Variants in FHIT observed in about 807,000 individuals in gnomAD.
FHIT encodes fragile histidine triad diadenosine triphosphatase.
FHIT carries 19 observed loss-of-function variants against 17.9 expected under a neutral mutation model. That is an observed-to-expected ratio of 1.06 (90% confidence interval 0.74 to 1.56). The LOEUF (loss-of-function observed/expected upper bound fraction) is 1.56. FHIT is among the 40% of genes most tolerant of loss of function. The pLI, the probability that FHIT is intolerant of heterozygous loss-of-function variation, is 0.00. For synonymous variants in FHIT, 81 were observed against 69.7 expected (o/e 1.16, Z -0.81); for missense variants, 248 against 189.2 (o/e 1.31, Z -1.82).
At chr3:60,320,930 A>C (rs910199234) in intron 5 of FHIT, among the ~76,000 whole-genome samples, 1 of 152,206 alleles carries the variant, frequency 6.6e-6, no homozygotes, top group African/African-American at 2.4e-5. Flanking sequence ...CTAATTTATT[A>C]AATAAAACAT....
At chr3:60,844,163 T>A (rs1303578898) in intron 3 of FHIT, among the ~76,000 whole-genome samples, 8 of 152,152 alleles carry the variant, frequency 5.3e-5, no homozygotes, top group African/African-American at 1.9e-4. Context: ...TTTAGTAGAA[T>A]CTTATTCACC....
rs1184542201 is a variant in FHIT at position 60,307,250 on chromosome 3, C to A, written c.103+229610G>T. On this transcript the variant is annotated intron_variant, in intron 5 of 9. Transcript: ENST00000492590. Reference sequence around the variant, plus strand: ...ACTTTCTTAACATCTACAGAGAAGTCTTAACAGAAAAGTCAGTAAATTCGC... The same window carrying A: ...ACTTTCTTAACATCTACAGAGAAGTATTAACAGAAAAGTCAGTAAATTCGC... Among the ~76,000 whole-genome samples, 11 of 152,284 alleles carry A rather than the reference C, an allele frequency of 7.2e-5. No individual in the cohort carries two copies. In the East Asian group the frequency reaches 2.1e-3, roughly 29 times the overall value.
chr3:59,781,178 A>G (rs1010567712), intron 8 of FHIT, among the ~76,000 whole-genome samples: 3 of 152,128 alleles, frequency 2.0e-5, no homozygotes, highest in African/African-American at 7.2e-5. Context: ...ACCTAGAATG[A>G]CCTGTAACAT....
chr3:61,164,652 TTTTA>T (rs1459772570), intron 2 of FHIT, among the ~76,000 whole-genome samples: 4 of 152,232 alleles, frequency 2.6e-5, no homozygotes, highest in Admixed American at 2.6e-4. Context: ...TTGTTTCAAC[TTTTA>T]TTTTAGATTC....
chr3:60,407,618 G>A (rs745799935), intron 5 of FHIT, among the ~76,000 whole-genome samples: 22 of 152,214 alleles, frequency 1.4e-4, no homozygotes, highest in Non-Finnish European at 2.4e-4. Context: ...CAGTTCAAGC[G>A]ATCCTCCTAT....
At chr3:60,414,178 A>G (rs1439869185) in intron 5 of FHIT, among the ~76,000 whole-genome samples, 1 of 152,190 alleles carries the variant, frequency 6.6e-6, no homozygotes, top group East Asian at 1.9e-4. Context: ...TATTGGAATC[A>G]CATGGAGGGC....
At chr3:60,663,726 C>T (rs1161285871) in intron 4 of FHIT, among the ~76,000 whole-genome samples, 2 of 152,116 alleles carry the variant, frequency 1.3e-5, no homozygotes, top group Non-Finnish European at 2.9e-5. Context: ...GCCTCTGTAC[C>T]TGTTTTATTA....
chr3:60,041,689 C>T (rs1171573696), intron 5 of FHIT, among the ~76,000 whole-genome samples: 4 of 152,150 alleles, frequency 2.6e-5, no homozygotes, highest in Admixed American at 6.5e-5. Context: ...GAAGATGCTA[C>T]CTGAGACCAC....
chr3:60,623,667 C>G (rs1462423819), intron 4 of FHIT, among the ~76,000 whole-genome samples: 1 of 152,178 alleles, frequency 6.6e-6, no homozygotes, highest in African/African-American at 2.4e-5. Context: ...GAAGGAACAG[C>G]ACTAGCATGT....
At chr3:60,338,191 TC>T (rs1373970819) in intron 5 of FHIT, among the ~76,000 whole-genome samples, 4 of 152,070 alleles carry the variant, frequency 2.6e-5, no homozygotes, top group Admixed American at 2.6e-4. Context: ...TTGCTCAAAT[TC>T]CACCACATTC....
At chr3:59,868,335 C>A (rs962051473) in intron 8 of FHIT, among the ~76,000 whole-genome samples, 4 of 105,366 alleles carry the variant, frequency 3.8e-5, no homozygotes, top group Non-Finnish European at 7.7e-5. Context: ...CATTTCCACG[C>A]GGAAAAAAAA....
intron 3 of FHIT, among the ~76,000 whole-genome samples, chr3:60,903,455 A>G (rs1268371452): frequency 6.6e-6 from 1 of 152,238 alleles, no homozygotes; most frequent in Non-Finnish European, 1.5e-5. Context: ...AGGCCAAATA[A>G]AGACCTAAAT....
intron 6 of FHIT, 54 bp downstream of exon 6, chr3:60,013,953 A>T: frequency 6.4e-7 from 1 of 1,572,964 alleles, no homozygotes; most frequent in African/African-American, 1.3e-5. Flanking sequence ...AGCAAGCCCA[A>T]TGCCGGGATA....
At chr3:60,273,460 A>T (rs1706967032) in intron 5 of FHIT, among the ~76,000 whole-genome samples, 2 of 151,162 alleles carry the variant, frequency 1.3e-5, no homozygotes, top group Admixed American at 6.6e-5. Flanking sequence ...TACAAAAAAA[A>T]TTAGCCAGGG....
At chr3:60,584,958 A>G (rs1553661130) in intron 4 of FHIT, among the ~76,000 whole-genome samples, 1 of 151,966 alleles carries the variant, frequency 6.6e-6, no homozygotes, top group Non-Finnish European at 1.5e-5. Flanking sequence ...ATCTAAACAA[A>G]TCATTTTGAA....
intron 5 of FHIT, among the ~76,000 whole-genome samples, chr3:60,265,363 A>C (rs1476143011): frequency 6.6e-6 from 1 of 152,054 alleles, no homozygotes; most frequent in African/African-American, 2.4e-5. Flanking sequence ...GGACAAGTGG[A>C]TATCTACACA....
At position 60,778,164 on chromosome 3, in the gene FHIT, A is replaced by C. The variant is rs56301022; in HGVS notation, c.-18+43755T>G. On this transcript the variant is annotated intron_variant, in intron 4 of 9. Coordinates refer to ENST00000492590, the MANE Select transcript of FHIT (RefSeq NM_002012.4). ...AATTGTATGGGATTTCTAAAATTCT[A>C]ATGTCTGAGTATATGCTATCAACCA... Among the ~76,000 whole-genome samples, 237 of 152,292 alleles carry C rather than the reference A, an allele frequency of 1.6e-3. 2 individuals are homozygous for C. Among genetic ancestry groups the C allele is most frequent in the African/African-American group, 5.5e-3 (228 of 41,572 alleles).
At chr3:59,974,192 T>C (rs905814911) in intron 7 of FHIT, among the ~76,000 whole-genome samples, 1 of 152,106 alleles carries the variant, frequency 6.6e-6, no homozygotes, top group South Asian at 2.1e-4. Context: ...GGCCAAGTTG[T>C]ACCCCAACCC....
intron 8 of FHIT, among the ~76,000 whole-genome samples, chr3:59,900,621 T>C (rs55802039): frequency 0.026 from 3,893 of 150,952 alleles, 160 homozygotes; most frequent in African/African-American, 0.09. Context: ...TGGTTGTTGT[T>C]TGTTTTTTTT....
Sources: allele counts gnomAD v4.1 joint callset (sites outside exome capture counted in the v4.1 genomes callset), GRCh38; gene constraint gnomAD v4.1.1; transcripts MANE v1.5; gene names NCBI Gene and HGNC (gene_info 2026-07-23, HGNC 2026-07-21).